Variants in OTUD7B observed in about 807,000 individuals in gnomAD.
OTUD7B encodes the protein OTU domain-containing protein 7B.
In OTUD7B, 34 loss-of-function variants were observed where a neutral mutation model predicts 82.2. That is an observed-to-expected ratio of 0.41 (90% CI 0.31 to 0.55). OTUD7B has a LOEUF of 0.55. Among genes scored for constraint, OTUD7B ranks in the 20% least tolerant of loss-of-function variants. OTUD7B has a pLI of 0.20. For missense variants in OTUD7B, 944 were observed against 1,062.1 expected (o/e 0.89, Z 1.55); for synonymous variants, 398 against 402.7 (o/e 0.99, Z 0.14).
chr1:150,067,089 C>G, the OTUD7B span: 1 of 152,344 alleles, frequency 6.6e-6, no homozygotes, highest in South Asian at 2.1e-4. Context: ...TGCGAGCCCC[C>G]ACGGCCGACC....
chr1:149,950,771 A>G (rs1402572691), intron 7 of OTUD7B, among the ~76,000 whole-genome samples: 1 of 135,188 alleles, frequency 7.4e-6, no homozygotes, highest in African/African-American at 2.8e-5. Flanking sequence ...AACCAATTCC[A>G]TCTCCCGTGT....
In OTUD7B at chr1:149,957,127, A is replaced by G. The variant is rs1648745469; in HGVS notation, c.845+2557T>C. 2.6e-5 allele frequency among the ~76,000 whole-genome samples: 4 copies of G among 151,768 alleles called. No individual in the cohort carries two copies. The South Asian group carries it at 8.3e-4, about 32-fold the overall frequency. ...GGAGAAGAGGCACTCTGATTTTTAG[A>G]ATTTTCAGCTTTTCTGCTCTGGTTT... On this transcript the variant is annotated intron_variant, in intron 7 of 11. Coordinates refer to ENST00000581312, the MANE Select transcript of OTUD7B (RefSeq NM_020205.4).
the OTUD7B span, among the ~76,000 whole-genome samples, chr1:150,033,330 CTT>C: frequency 6.6e-6 from 1 of 152,122 alleles, no homozygotes; most frequent in Admixed American, 6.6e-5. Flanking sequence ...TAATATACAT[CTT>C]TTAAATATGG....
chr1:149,956,368 G>A (rs1553774561), intron 7 of OTUD7B, among the ~76,000 whole-genome samples: 2 of 152,116 alleles, frequency 1.3e-5, no homozygotes, highest in Non-Finnish European at 1.5e-5. Flanking sequence ...TGGCCCCCAC[G>A]CTCTTCTGGC....
chr1:149,964,589 GGGTTTTTTTGGTT>G (rs1281458073), intron 5 of OTUD7B, among the ~76,000 whole-genome samples: 5 of 151,668 alleles, frequency 3.3e-5, no homozygotes, highest in Non-Finnish European at 5.9e-5. Flanking sequence ...GGTTTTTTAT[GGGTTTTTTTGGTT>G]GGTTTTTTTG....
At chr1:150,055,587 G>A in the OTUD7B span, among the ~76,000 whole-genome samples, 14 of 152,266 alleles carry the variant, frequency 9.2e-5, no homozygotes, top group African/African-American at 3.4e-4. Flanking sequence ...ACATGCACAC[G>A]AATGTTCATT....
At chr1:150,056,425 G>T in the OTUD7B span, among the ~76,000 whole-genome samples, 37 of 152,142 alleles carry the variant, frequency 2.4e-4, no homozygotes, top group Non-Finnish European at 4.9e-4. Flanking sequence ...TCCATTTGTT[G>T]ATGAGGAAAC....
At chr1:149,961,942 A>G (rs1649190586) in intron 6 of OTUD7B, 1 of 152,228 alleles carries the variant, frequency 6.6e-6, no homozygotes, top group East Asian at 1.9e-4. Context: ...GGCTGACATT[A>G]GTATTAAAAT....
the OTUD7B span, chr1:150,067,542 G>GA: frequency 1.5e-5 from 5 of 333,756 alleles, no homozygotes; most frequent in African/African-American, 6.4e-5. Flanking sequence ...GCTGCCGCTG[G>GA]GCCTCCAGCA....
chr1:149,967,449 G>C lies in OTUD7B; in HGVS notation c.347C>G (p.Ser116Cys). 6.2e-7 allele frequency: 1 copy of C among 1,614,124 alleles called. No individual in the cohort carries two copies. The highest frequency in any genetic ancestry group is 8.5e-7 in the Non-Finnish European group (1 of 1,179,996). ...IVSLARSHVS[S>C]NGGGGGSNEH... ...ATTGCTCCCCCCACCCCCACCATTG[G>C]AGGAGACATGGGACCGGGCCAGGGA... The change falls in exon 4 of 12, where the codon TCC becomes TGC. Residue 116 changes from serine to cysteine, a missense_variant. Ser to Cys is a moderately radical substitution (Grantham distance 112, BLOSUM62 -1). Transcript: ENST00000581312.
intron 3 of OTUD7B, 69 bp from the exon 4 acceptor site, chr1:149,967,590 G>T: frequency 8.6e-7 from 1 of 1,164,036 alleles, no homozygotes; most frequent in Non-Finnish European, 1.2e-6. Context: ...CTGATGTGGT[G>T]ATAGTTACCT....
At chr1:150,012,313 T>A (rs1233007005), upstream of OTUD7B, among the ~76,000 whole-genome samples, 1 of 152,072 alleles carries the variant, frequency 6.6e-6, no homozygotes, top group African/African-American at 2.4e-5. Context: ...GAAAAGGGTG[T>A]CGTTCTAGAA....
chr1:150,021,330 G>A, the OTUD7B span, among the ~76,000 whole-genome samples: 2 of 152,132 alleles, frequency 1.3e-5, no homozygotes, highest in African/African-American at 4.8e-5. Flanking sequence ...GAGGCTGGGA[G>A]GACTGGAGTC....
Position 149,942,923 on chromosome 1 carries a change from T to C in OTUD7B, c.*934A>G, listed in dbSNP as rs2101707153. 6.5e-6 allele frequency: 1 copy of C among 152,772 alleles called. No individual in the cohort carries two copies. 9.5% of individuals were successfully genotyped at this position (152,772 alleles called of 1,614,324 possible). A position where few individuals can be genotyped will look rare whatever the true frequency, so the allele number is the denominator to read the frequency against. On this transcript the variant is annotated 3_prime_UTR_variant, in exon 12 of 12. Coordinates refer to ENST00000581312, the MANE Select transcript of OTUD7B (RefSeq NM_020205.4). ...GCCTGTAATGCTCTACTTAGGTTTT[T>C]GGTTTTGTTTGAAACAGCCTCTGGC... is the stretch of plus-strand genomic sequence containing the variant.
chr1:149,943,960 T>C lies in OTUD7B; in HGVS notation c.2429A>G (p.Tyr810Cys), dbSNP rs199673670. 9.9e-6 allele frequency: 16 copies of C among 1,614,108 alleles called. No individual in the cohort carries two copies. The highest frequency in any genetic ancestry group is 2.7e-5 in the African/African-American group (2 of 74,932). Residue 810 changes from tyrosine to cysteine, a missense_variant, in exon 12 of 12, where the codon TAT becomes TGT. Physicochemically the swap from Tyr to Cys is radical, Grantham distance 194. Transcript: ENST00000581312. ...GAAGTTGTTTGTCTCAGGGTGTCCA[T>C]AGAAGCTGCAGTTCGGTTGTTTGCA... ...TKCKQPNCSFYGHPETNNFCS... is the reference protein window; with the variant it reads ...TKCKQPNCSFCGHPETNNFCS...
chr1:150,016,446 C>CTTTTCTTTTTTT, the OTUD7B span, among the ~76,000 whole-genome samples: 14 of 130,056 alleles, frequency 1.1e-4, 1 homozygote, highest in East Asian at 2.1e-4. Context: ...TTTCTCTTTT[C>CTTTTCTTTTTTT]TTTTTCTTTT....
chr1:150,042,742 A>C, the OTUD7B span, among the ~76,000 whole-genome samples: 729 of 152,224 alleles, frequency 4.8e-3, 5 homozygotes, highest in African/African-American at 0.017. Context: ...AGGAATTTAG[A>C]GATCTTTCCC....
chr1:150,058,885 T>G, the OTUD7B span, among the ~76,000 whole-genome samples: 1 of 152,122 alleles, frequency 6.6e-6, no homozygotes, highest in African/African-American at 2.4e-5. Context: ...TGTCAGAGAC[T>G]AGTTAGGAAA....
chr1:150,003,249 CAAAA>C (rs11297514), intron 1 of OTUD7B, among the ~76,000 whole-genome samples: 1 of 117,798 alleles, frequency 8.5e-6, no homozygotes. Flanking sequence ...GACTCTGTCT[CAAAA>C]AAAAAAAAAA....
Sources: allele counts gnomAD v4.1 joint callset (sites outside exome capture counted in the v4.1 genomes callset), GRCh38; gene constraint gnomAD v4.1.1; transcripts MANE v1.5; gene names NCBI Gene and HGNC (gene_info 2026-07-23, HGNC 2026-07-21).